UBE2K: variants seen among roughly 807,000 people sequenced by gnomAD.
UBE2K encodes the protein ubiquitin-conjugating enzyme E2 K.
Under a neutral mutation model 30.0 loss-of-function variants are expected in UBE2K, and 6 were observed. That is an observed-to-expected ratio of 0.20 (90% CI 0.11 to 0.39). The LOEUF (loss-of-function observed/expected upper bound fraction) is 0.39, where lower values mean the gene tolerates loss of function less well. UBE2K is among the 10% of genes least tolerant of loss of function. The pLI is 1.00. For synonymous variants in UBE2K, 86 were observed against 83.7 expected (o/e 1.03, Z -0.15); for missense variants, 61 against 241.6 (o/e 0.25, Z 4.96).
intron 1 of UBE2K, among the ~76,000 whole-genome samples, chr4:39,733,219 G>T (rs1369484618): frequency 6.6e-6 from 1 of 151,880 alleles, no homozygotes; most frequent in African/African-American, 2.4e-5. Flanking sequence ...CTTGGTTGTT[G>T]CAGTCATTGA....
chr4:39,724,583 C>CAAAAAAA (rs60854193), intron 1 of UBE2K, among the ~76,000 whole-genome samples: 8 of 52,154 alleles, frequency 1.5e-4, no homozygotes, highest in East Asian at 6.0e-4. Flanking sequence ...CCCGTCTCTG[C>CAAAAAAA]AAAAAAAAAA....
chr4:39,726,427 C>G (rs558050953), intron 1 of UBE2K, among the ~76,000 whole-genome samples: 1 of 152,028 alleles, frequency 6.6e-6, no homozygotes, highest in South Asian at 2.1e-4. Context: ...CACTTTGCTG[C>G]CCAGGCTGGT....
chr4:39,771,203 G>A (rs1473514731), intron 4 of UBE2K: 20 of 1,612,666 alleles, frequency 1.2e-5, no homozygotes, highest in Admixed American at 5.0e-5. Flanking sequence ...GCCACGATGC[G>A]TGCACTGTGC....
chr4:39,743,358 C>G (rs1382831657), intron 2 of UBE2K, among the ~76,000 whole-genome samples: 2 of 152,166 alleles, frequency 1.3e-5, no homozygotes, highest in Non-Finnish European at 2.9e-5. Flanking sequence ...AATCCCAGCT[C>G]TTTGGGAGGC....
rs1578504196 is a variant in UBE2K at position 39,770,429 on chromosome 4, G to A, written c.300-4405G>A. 26 of 1,612,252 alleles carry A rather than the reference G, an allele frequency of 1.6e-5. No homozygotes were observed. In the East Asian group the frequency reaches 5.1e-4, roughly 32 times the overall value. ...GCATGTGGAAGACCAGCTTCTCCACGCCCTGGAACACTTCCGGGCACTTGG... is the reference window on the plus strand; with the variant it reads ...GCATGTGGAAGACCAGCTTCTCCACACCCTGGAACACTTCCGGGCACTTGG... On this transcript the variant is annotated intron_variant, in intron 4 of 6. Coordinates refer to ENST00000261427, the MANE Select transcript of UBE2K (RefSeq NM_005339.5).
chr4:39,753,609 T>A (rs995559241), intron 3 of UBE2K, among the ~76,000 whole-genome samples: 7 of 151,856 alleles, frequency 4.6e-5, no homozygotes, highest in African/African-American at 1.7e-4. Flanking sequence ...AAACTGCAGG[T>A]GTGTGGAATA....
intron 1 of UBE2K, among the ~76,000 whole-genome samples, chr4:39,734,744 TGAG>T (rs1345924681): frequency 6.6e-6 from 1 of 152,120 alleles, no homozygotes; most frequent in Admixed American, 6.6e-5. Flanking sequence ...CTTGGGAAGT[TGAG>T]GTGCAGTGAG....
intron 4 of UBE2K, among the ~76,000 whole-genome samples, chr4:39,756,357 C>A (rs1160802040): frequency 6.6e-6 from 1 of 152,212 alleles, no homozygotes; most frequent in Non-Finnish European, 1.5e-5. Context: ...GCCTTAGTGT[C>A]CTCATCTGCA....
chr4:39,755,561 T>G, intron 3 of UBE2K, 96 bp from the exon 4 acceptor site: 1 of 955,594 alleles, frequency 1.0e-6, no homozygotes. Context: ...TATAGGGACC[T>G]TTCTTTTTTT....
chr4:39,770,286 C>A, intron 4 of UBE2K: 1 of 1,611,410 alleles, frequency 6.2e-7, no homozygotes. Flanking sequence ...GCACTTGCCG[C>A]AGATGCCGCA....
chr4:39,726,169 G>T (rs1459563089), intron 1 of UBE2K, among the ~76,000 whole-genome samples: 1 of 151,744 alleles, frequency 6.6e-6, no homozygotes, highest in Non-Finnish European at 1.5e-5. Context: ...TCTTTATGTG[G>T]CATCCTCCCT....
At chr4:39,752,311 A>ATTTTTTTTTTTTTTTTTTT (rs751312791) in intron 3 of UBE2K, among the ~76,000 whole-genome samples, 1 of 118,544 alleles carries the variant, frequency 8.4e-6, no homozygotes, top group African/African-American at 3.2e-5. Context: ...CGCCTGGCTA[A>ATTTTTTTTTTTTTTTTTTT]TTTTTTTTTT....
chr4:39,724,736 C>T (rs1719643703), intron 1 of UBE2K, among the ~76,000 whole-genome samples: 3 of 151,106 alleles, frequency 2.0e-5, no homozygotes, highest in African/African-American at 7.3e-5. Context: ...CGCCACTGCC[C>T]TTCAGCCTGG....
At position 39,745,739 on chromosome 4, in the gene UBE2K, C is replaced by A; in HGVS notation, c.158-13C>A. ...GAGCAGCATTCTTAACTTTGTTTTC[C>A]CCATTTTTTTAGGAGGAAGATACCA... On this transcript the variant is annotated splice_polypyrimidine_tract_variant and intron_variant, in intron 2 of 6. Coordinates refer to ENST00000261427, the MANE Select transcript of UBE2K (RefSeq NM_005339.5). The A allele has an allele frequency of 6.3e-7, 1 of 1,587,030 alleles. No individual in the cohort carries two copies. The highest frequency in any genetic ancestry group is 8.6e-7 in the Non-Finnish European group (1 of 1,159,940).
intron 1 of UBE2K, among the ~76,000 whole-genome samples, chr4:39,729,008 G>T (rs567926214): frequency 7.3e-6 from 1 of 137,108 alleles, no homozygotes; most frequent in South Asian, 2.3e-4. Flanking sequence ...TTACTTTGTC[G>T]CCCAAGCTGG....
intron 1 of UBE2K, among the ~76,000 whole-genome samples, chr4:39,731,877 G>A (rs115944704): frequency 0.011 from 1,707 of 152,144 alleles, 39 homozygotes; most frequent in African/African-American, 0.038. Context: ...AAACAGTTGT[G>A]GCTTGACTAG....
chr4:39,748,437 A>G (rs1029284797), intron 3 of UBE2K, among the ~76,000 whole-genome samples: 15 of 152,030 alleles, frequency 9.9e-5, no homozygotes, highest in African/African-American at 3.6e-4. Context: ...AAACATAATA[A>G]CTGAAGTATG....
At chr4:39,732,261 T>C (rs1410074296) in intron 1 of UBE2K, among the ~76,000 whole-genome samples, 1 of 152,184 alleles carries the variant, frequency 6.6e-6, no homozygotes, top group Non-Finnish European at 1.5e-5. Context: ...TTAATTAACT[T>C]GTTCATAGCT....
chr4:39,753,052 C>T lies in UBE2K; in HGVS notation c.217-2605C>T, dbSNP rs949832776. ...ACAGAAAGAAAGAAAAAGAAATACT[C>T]AACCTGTATTAAGATGTGAAATGTG... On this transcript the variant is annotated intron_variant, in intron 3 of 6. Coordinates refer to ENST00000261427, the MANE Select transcript of UBE2K (RefSeq NM_005339.5). Among the ~76,000 whole-genome samples, 3 of 152,128 alleles carry T rather than the reference C, an allele frequency of 2.0e-5. No homozygotes were observed. In the South Asian group the frequency reaches 6.2e-4, roughly 32 times the overall value.
Sources: gnomAD v4.1 joint callset for allele counts (sites outside exome capture counted in the v4.1 genomes callset) on GRCh38, gnomAD v4.1.1 for gene constraint, MANE v1.5 for transcripts, NCBI Gene and HGNC (gene_info 2026-07-23, HGNC 2026-07-21) for gene names.